The following MEOX2 variants were observed in gnomAD, a reference collection of about 807,000 sequenced individuals.
The protein encoded by MEOX2 is homeobox protein MOX-2.
Under a neutral mutation model 27.0 loss-of-function variants are expected in MEOX2, and 11 were observed. That is an observed-to-expected ratio of 0.41 (90% CI 0.26 to 0.68). MEOX2 has a LOEUF of 0.68. Ranked by LOEUF, MEOX2 falls within the 30% of genes least tolerant of loss-of-function variation. MEOX2 has a pLI of 0.33. For missense variants in MEOX2, 436 were observed against 385.4 expected (o/e 1.13, Z -1.10); for synonymous variants, 189 against 155.4 (o/e 1.22, Z -1.61).
In MEOX2 at chr7:15,612,530, C is replaced by G. The variant is rs1425893870; in HGVS notation, c.772G>C (p.Glu258Gln). ...GTTCCCTTTTTCACATTCACCAGTT[C>G]CTTTTCCCGAGCCGCAGCTCCTTGC... ...GQQGAAAREKELVNVKKGTLL... is the reference protein window; with the variant it reads ...GQQGAAAREKQLVNVKKGTLL... Residue 258 changes from glutamate to glutamine, a missense_variant, in exon 3 of 3, where the codon GAA (glutamate) becomes CAA (glutamine). Glu to Gln is a conservative substitution (Grantham distance 29). Transcript: ENST00000262041. 1.9e-6 allele frequency: 3 copies of G among 1,614,062 alleles called. No homozygotes were observed.
chr7:15,612,198 G>A lies in MEOX2; in HGVS notation c.*189C>T. Reference sequence around the variant, plus strand: ...CAAGTTCACCTTCTCCATCTTCACTGTGGAAGCTCTTTAATAAGTGGCACT... The same window carrying A: ...CAAGTTCACCTTCTCCATCTTCACTATGGAAGCTCTTTAATAAGTGGCACT... On this transcript the variant is annotated 3_prime_UTR_variant, in exon 3 of 3. Coordinates refer to ENST00000262041, the MANE Select transcript of MEOX2 (RefSeq NM_005924.5). The A allele has an allele frequency of 1.7e-6, 1 of 603,256 alleles. No homozygotes were observed. The highest frequency in any genetic ancestry group is 2.1e-5 in the South Asian group (1 of 48,408). The allele number at this position is 603,256 out of a possible 1,614,324, so 37.4% of individuals were successfully genotyped here.
chr7:15,630,003 G>A (rs566194596), intron 1 of MEOX2, among the ~76,000 whole-genome samples: 1 of 152,098 alleles, frequency 6.6e-6, no homozygotes, highest in African/African-American at 2.4e-5. Flanking sequence ...GCTGAGGGGG[G>A]AATCTGGACA....
chr7:15,632,715 C>A (rs893167236), intron 1 of MEOX2, among the ~76,000 whole-genome samples: 4 of 151,954 alleles, frequency 2.6e-5, no homozygotes, highest in Admixed American at 6.6e-5. Flanking sequence ...AAGCACTTAA[C>A]ACAAAAACAA....
chr7:15,667,305 A>AAAAAAAAAAAAAAAAC, intron 1 of MEOX2, among the ~76,000 whole-genome samples: 1 of 149,480 alleles, frequency 6.7e-6, no homozygotes, highest in Non-Finnish European at 1.5e-5. Flanking sequence ...AAAAAAAAAA[A>AAAAAAAAAAAAAAAAC]AAAAAAAGTA....
chr7:15,658,351 AT>A (rs553378607), intron 1 of MEOX2, among the ~76,000 whole-genome samples: 1 of 151,972 alleles, frequency 6.6e-6, no homozygotes, highest in Non-Finnish European at 1.5e-5. Context: ...CAGCCATGGG[AT>A]TTTTTCCTAC....
rs1347571847 is a variant in MEOX2 at position 15,686,316 on chromosome 7, G to A, written c.87C>T (p.Leu29=). Residue 29 remains leucine (L), a synonymous_variant, in exon 1 of 3, where the codon CTC becomes CTT. Transcript: ENST00000262041. The part of the protein sequence containing the change: ...LHPFSQSSLA[L]HGRSDHMSYP... ...AAGACATATGGTCAGATCTTCCATG[G>A]AGGGCGAGAGAGGATTGGGAGAACG... 2 of 1,607,256 alleles carry A rather than the reference G, an allele frequency of 1.2e-6. No individual in the cohort carries two copies. The highest frequency in any genetic ancestry group is 1.7e-6 in the Non-Finnish European group (2 of 1,176,624).
intron 1 of MEOX2, among the ~76,000 whole-genome samples, chr7:15,658,106 G>A (rs370521375): frequency 3.3e-5 from 5 of 152,202 alleles, no homozygotes; most frequent in African/African-American, 1.2e-4. Flanking sequence ...AGTCGTCCTC[G>A]TTAACACTGT....
chr7:15,655,924 T>A (rs116426954), intron 1 of MEOX2, among the ~76,000 whole-genome samples: 1,575 of 151,844 alleles, frequency 0.01, 37 homozygotes, highest in African/African-American at 0.036. Flanking sequence ...TGTCTAGCTG[T>A]TTTATCGATT....
intron 1 of MEOX2, among the ~76,000 whole-genome samples, chr7:15,656,164 C>A (rs1476611563): frequency 1.3e-5 from 2 of 151,702 alleles, no homozygotes; most frequent in South Asian, 4.2e-4. Context: ...ATACCCACTC[C>A]TTCCTTCTTT....
chr7:15,639,473 T>A (rs1781528816), intron 1 of MEOX2, among the ~76,000 whole-genome samples: 1 of 152,092 alleles, frequency 6.6e-6, no homozygotes, highest in South Asian at 2.1e-4. Flanking sequence ...GCAGAAGCTC[T>A]TTAGTTTAAT....
chr7:15,682,007 G>A (rs1782298767), intron 1 of MEOX2: 2 of 151,716 alleles, frequency 1.3e-5, no homozygotes, highest in African/African-American at 2.4e-5. Context: ...ACTTGAGTGT[G>A]ATTATTTTAG....
In MEOX2 at chr7:15,618,978, G is replaced by A. The variant is rs184339871; in HGVS notation, c.691-6367C>T. ...TGAAGTTCAAAGTCTATTCTAAACT[G>A]AATGCATCTCTGAGTTTTTCATGAG... On this transcript the variant is annotated intron_variant, in intron 2 of 2. Coordinates refer to ENST00000262041, the MANE Select transcript of MEOX2 (RefSeq NM_005924.5). Among the ~76,000 whole-genome samples, 192 of 152,042 alleles carry A rather than the reference G, an allele frequency of 1.3e-3. 2 individuals carry two copies. Among genetic ancestry groups the A allele is most frequent in the African/African-American group, 4.5e-3 (186 of 41,536 alleles).
At chr7:15,658,179 G>A (rs1248115817) in intron 1 of MEOX2, among the ~76,000 whole-genome samples, 3 of 152,206 alleles carry the variant, frequency 2.0e-5, no homozygotes, top group Admixed American at 6.5e-5. Flanking sequence ...TGGGGAACAG[G>A]ATGAGTAACT....
chr7:15,670,502 A>G (rs1177390632), intron 1 of MEOX2, among the ~76,000 whole-genome samples: 2 of 152,132 alleles, frequency 1.3e-5, no homozygotes, highest in South Asian at 2.1e-4. Flanking sequence ...GTTTAGAATG[A>G]CTGTCCAGCT....
intron 2 of MEOX2, among the ~76,000 whole-genome samples, chr7:15,625,314 A>G (rs1781286207): frequency 6.6e-6 from 1 of 152,188 alleles, no homozygotes; most frequent in Non-Finnish European, 1.5e-5. Flanking sequence ...CAGCATGCCA[A>G]ATGTTGAACC....
At chr7:15,617,948 G>A (rs187239496) in intron 2 of MEOX2, among the ~76,000 whole-genome samples, 1 of 152,006 alleles carries the variant, frequency 6.6e-6, no homozygotes, top group East Asian at 1.9e-4. Context: ...ATAACATATT[G>A]AACAAGGATT....
intron 1 of MEOX2, among the ~76,000 whole-genome samples, chr7:15,636,568 T>C (rs912427918): frequency 5.3e-5 from 8 of 151,982 alleles, no homozygotes; most frequent in Non-Finnish European, 7.4e-5. Context: ...TATAATCAAA[T>C]TGTGATTGTT....
At position 15,686,502 on chromosome 7, in the gene MEOX2, T is replaced by TTG; in HGVS notation, c.-101_-100insCA. 1 of 1,141,228 alleles carries TTG rather than the reference T, an allele frequency of 8.8e-7. No homozygotes were observed. The highest frequency in any genetic ancestry group is 1.2e-6 in the Non-Finnish European group (1 of 815,610). 70.7% of individuals were successfully genotyped at this position (1,141,228 alleles called of 1,614,324 possible). A position where few individuals can be genotyped will look rare whatever the true frequency, so the allele number is the denominator to read the frequency against. On this transcript the variant is annotated 5_prime_UTR_variant, in exon 1 of 3. Coordinates refer to ENST00000262041, the MANE Select transcript of MEOX2 (RefSeq NM_005924.5). ...ACTGGAAACCGTGTGATTTTTTTTT[T>TTG]AACCTCCCAAAGCAATAGCGGTGCA...
chr7:15,668,038 C>A (rs1283337269), intron 1 of MEOX2: 1 of 152,154 alleles, frequency 6.6e-6, no homozygotes, highest in African/African-American at 2.4e-5. Flanking sequence ...TTTCTCACAT[C>A]CCGAGTTTTC....
Sources: gnomAD v4.1 joint callset for allele counts (sites outside exome capture counted in the v4.1 genomes callset) on GRCh38, gnomAD v4.1.1 for gene constraint, MANE v1.5 for transcripts, NCBI Gene and HGNC (gene_info 2026-07-23, HGNC 2026-07-21) for gene names.